Variants in RAB11A observed in about 807,000 individuals in gnomAD.
RAB11A encodes the protein RAB11A, member RAS oncogene family.
A neutral mutation model predicts 28.0 loss-of-function variants in RAB11A; 9 were observed. That is an observed-to-expected ratio of 0.32 (90% CI 0.19 to 0.56). RAB11A has a LOEUF of 0.56. RAB11A is among the 20% of genes least tolerant of loss of function. RAB11A has a pLI of 0.91. For missense variants in RAB11A, 108 were observed against 269.6 expected, an observed-to-expected ratio of 0.40 and a Z score of 4.20; for synonymous variants, 85 against 88.2, an observed-to-expected ratio of 0.96 and a Z score of 0.20.
intron 1 of RAB11A, among the ~76,000 whole-genome samples, chr15:65,874,672 A>G (rs2078181781): frequency 6.6e-6 from 1 of 152,146 alleles, no homozygotes; most frequent in African/African-American, 2.4e-5. Context: ...ATGATGGTAT[A>G]AGGAGTTGAG....
intron 1 of RAB11A, among the ~76,000 whole-genome samples, chr15:65,870,540 G>T (rs992149450): frequency 6.6e-6 from 1 of 152,266 alleles, no homozygotes; most frequent in Non-Finnish European, 1.5e-5. Flanking sequence ...TTGCGGATGG[G>T]TGGTGGCTGT....
At chr15:65,880,975 C>G (rs1318470035) in intron 4 of RAB11A, among the ~76,000 whole-genome samples, 2 of 152,126 alleles carry the variant, frequency 1.3e-5, no homozygotes, top group African/African-American at 2.4e-5. Context: ...AAAATGAGTA[C>G]CTGTAAAGTA....
intron 4 of RAB11A, 85 bp downstream of exon 4, chr15:65,879,836 T>C: frequency 9.5e-7 from 1 of 1,047,776 alleles, no homozygotes. Context: ...AACTAAACTA[T>C]ATATCAGCCG....
chr15:65,870,342 C>G (rs145024095), intron 1 of RAB11A, among the ~76,000 whole-genome samples: 2 of 152,238 alleles, frequency 1.3e-5, no homozygotes, highest in African/African-American at 4.8e-5. Flanking sequence ...GTTTAGAGCT[C>G]CCTTGTCTCC....
At chr15:65,879,126 G>A (rs1242822501) in intron 3 of RAB11A, among the ~76,000 whole-genome samples, 1 of 151,674 alleles carries the variant, frequency 6.6e-6, no homozygotes, top group Non-Finnish European at 1.5e-5. Context: ...CTAAGTAGCT[G>A]AGACTGCTGG....
chr15:65,871,159 G>T (rs990558033), intron 1 of RAB11A, among the ~76,000 whole-genome samples: 1 of 152,036 alleles, frequency 6.6e-6, no homozygotes, highest in African/African-American at 2.4e-5. Flanking sequence ...AAGCAGGAAA[G>T]ATTTCTTTGC....
Position 65,877,757 on chromosome 15 carries a change from T to C in RAB11A, c.237-5T>C, listed in dbSNP as rs757350569. On this transcript the variant is annotated splice_polypyrimidine_tract_variant and splice_region_variant and intron_variant, in intron 2 of 4. Transcript: ENST00000261890. This position sits in a 1 kb window ranked among gnomAD's most constrained non-coding sequence, Gnocchi z 4.1. The stretch of plus-strand genomic sequence containing the variant: ...TTCTGATACTAAATATGTTTCTGTT[T>C]TCAGATATTATCGTGGAGCTGTAGG... 1 of 1,576,808 alleles carries C rather than the reference T, an allele frequency of 6.3e-7. No homozygotes were observed.
In RAB11A at chr15:65,884,685, TAAAG is replaced by T. The variant is rs543538762; in HGVS notation, c.512-3014_512-3011del. Among the ~76,000 whole-genome samples, 955 of 150,904 alleles carry T rather than the reference TAAAG, an allele frequency of 6.3e-3. 10 individuals carry two copies. Among genetic ancestry groups the T allele is most frequent in the Non-Finnish European group, 7.1e-3 (480 of 67,788 alleles). On this transcript the variant is annotated intron_variant, in intron 4 of 4. Transcript: ENST00000261890. The stretch of plus-strand genomic sequence containing the variant: ...GCTAATAAAAATGCCACCAAAGCAA[TAAAG>T]AGTGATTGGCTTTAAGAGGTTCCAC...
chr15:65,885,279 C>A (rs1357379709), intron 4 of RAB11A, among the ~76,000 whole-genome samples: 1 of 151,870 alleles, frequency 6.6e-6, no homozygotes, highest in East Asian at 1.9e-4. Flanking sequence ...GGTGCCACCC[C>A]ACCTGGCTAA....
intron 3 of RAB11A, chr15:65,878,179 T>G: frequency 1.7e-6 from 1 of 593,868 alleles, no homozygotes. Context: ...ATATTCTGTC[T>G]CTTTTTCTGT....
rs1415930423 is a variant in RAB11A at position 65,888,894 on chromosome 15, C to T, written c.*1054C>T. On this transcript the variant is annotated 3_prime_UTR_variant, in exon 5 of 5. Transcript: ENST00000261890. Reference sequence around the variant, plus strand: ...GAGTACAGTGAGAGGTTAATTTCTGCTCAAGTGGTACCACTTAAAGGCATG... The same window carrying T: ...GAGTACAGTGAGAGGTTAATTTCTGTTCAAGTGGTACCACTTAAAGGCATG... The T allele has an allele frequency of 6.6e-6, 1 of 152,520 alleles. No homozygotes were observed. Among genetic ancestry groups the T allele is most frequent in the Non-Finnish European group, 1.5e-5 (1 of 68,020 alleles). 9.4% of individuals were successfully genotyped at this position (152,520 alleles called of 1,614,324 possible).
intron 4 of RAB11A, among the ~76,000 whole-genome samples, chr15:65,885,062 C>CA (rs993212269): frequency 3.0e-4 from 41 of 138,372 alleles, no homozygotes; most frequent in East Asian, 6.5e-4. Flanking sequence ...GACTCTGTCT[C>CA]AAAAAAAAAG....
At position 65,883,915 on chromosome 15, in the gene RAB11A, T is replaced by C. The variant is rs776456907; in HGVS notation, c.512-3786T>C. 3.3e-5 allele frequency among the ~76,000 whole-genome samples: 5 copies of C among 152,232 alleles called. No individual in the cohort carries two copies. The South Asian group carries it at 6.2e-4, about 19-fold the overall frequency. Reference sequence around the variant, plus strand: ...GTTAGAGATGTATTAACTGAATTACTACATTTTCCAAAATTAAGAACTAAT... The same window carrying C: ...GTTAGAGATGTATTAACTGAATTACCACATTTTCCAAAATTAAGAACTAAT... On this transcript the variant is annotated intron_variant, in intron 4 of 4. Transcript: ENST00000261890.
chr15:65,877,825 A>C lies in RAB11A; in HGVS notation c.300A>C (p.Glu100Asp). The part of the protein sequence containing the change: ...VYDIAKHLTY[E>D]NVERWLKELR... ...ACATTGCTAAACATCTCACATATGAAAATGTAGAGCGATGGCTGAAAGAAC... is the reference window on the plus strand; with the variant it reads ...ACATTGCTAAACATCTCACATATGACAATGTAGAGCGATGGCTGAAAGAAC... The change falls in exon 3 of 5, where the codon GAA becomes GAC. Residue 100 changes from glutamate to aspartate, a missense_variant. Around this residue, in one of 2 missense-constraint regions of RAB11A, gnomAD observed 85 missense variants for 145.9 expected, o/e 0.58. Transcript: ENST00000261890. The surrounding 1 kb of genome is among the most constrained non-coding windows in gnomAD (Gnocchi z 4.1). The C allele has an allele frequency of 6.2e-7, 1 of 1,611,480 alleles. No individual in the cohort carries two copies. The highest frequency in any genetic ancestry group is 8.5e-7 in the Non-Finnish European group (1 of 1,177,598).
intron 4 of RAB11A, among the ~76,000 whole-genome samples, chr15:65,881,153 A>G (rs150731576): frequency 2.0e-5 from 3 of 152,320 alleles, no homozygotes; most frequent in Non-Finnish European, 4.4e-5. Flanking sequence ...TTGGATAAGC[A>G]GTCTTTGGAA....
At chr15:65,878,118 A>G in intron 3 of RAB11A, 163 bp downstream of exon 3, 1 of 757,004 alleles carries the variant, frequency 1.3e-6, no homozygotes, top group South Asian at 1.5e-5. Context: ...TTTTGCTTTG[A>G]GTCATTAAAA....
At chr15:65,883,629 A>G (rs1442897038) in intron 4 of RAB11A, among the ~76,000 whole-genome samples, 1 of 151,968 alleles carries the variant, frequency 6.6e-6, no homozygotes, top group Non-Finnish European at 1.5e-5. Flanking sequence ...TTGTTCTGCC[A>G]GGCAAGACTC....
chr15:65,887,888 G>T lies in RAB11A; in HGVS notation c.*48G>T. 7.0e-7 allele frequency: 1 copy of T among 1,435,482 alleles called. No individual in the cohort carries two copies. Among genetic ancestry groups the T allele is most frequent in the Non-Finnish European group, 9.2e-7 (1 of 1,085,194 alleles). The allele number at this position is 1,435,482 out of a possible 1,614,324, so 88.9% of individuals were successfully genotyped here. A position where few individuals can be genotyped will look rare whatever the true frequency, so the allele number is the denominator to read the frequency against. On this transcript the variant is annotated 3_prime_UTR_variant, in exon 5 of 5. Transcript: ENST00000261890. The stretch of plus-strand genomic sequence containing the variant: ...AGGCTGTGTATAGTCCATTTCCCAG[G>T]TCTGAGATTTAAATATATTTGTAAT...
At chr15:65,872,694 A>G (rs1350815564) in intron 1 of RAB11A, among the ~76,000 whole-genome samples, 1 of 151,478 alleles carries the variant, frequency 6.6e-6, no homozygotes, top group East Asian at 2.0e-4. Flanking sequence ...TGGGCCTCCC[A>G]AAGTGCTGGG....
Sources: allele counts gnomAD v4.1 joint callset (sites outside exome capture counted in the v4.1 genomes callset), GRCh38; gene constraint gnomAD v4.1.1; regional missense constraint gnomAD v4.1.1; non-coding constraint Gnocchi (gnomAD v3.1); transcripts MANE v1.5; gene names NCBI Gene and HGNC (gene_info 2026-07-23, HGNC 2026-07-21).